The following ABCC4 variants were observed in gnomAD, a reference collection of about 807,000 sequenced individuals.
ABCC4 encodes the protein ATP-binding cassette sub-family C member 4.
ABCC4 carries 102 observed loss-of-function variants against 168.5 expected under a neutral mutation model. The observed-to-expected ratio is 0.61, with a 90% confidence interval of 0.52 to 0.71. The LOEUF is 0.71. Ranked by LOEUF, ABCC4 falls within the 30% of genes least tolerant of loss-of-function variation. The probability of loss-of-function intolerance (pLI) is 0.00; values close to 1 mark genes in which losing one functional copy is unlikely to be tolerated. For synonymous variants in ABCC4, 617 were observed against 590.7 expected (o/e 1.04, Z -0.65); for missense variants, 1,402 against 1,605.8 (o/e 0.87, Z 2.17).
chr13:95,200,421 A>T (rs2038590989), intron 8 of ABCC4, among the ~76,000 whole-genome samples: 1 of 152,176 alleles, frequency 6.6e-6, no homozygotes, highest in South Asian at 2.1e-4. Flanking sequence ...ACACGAGGAC[A>T]CTTTCTAAAG....
chr13:95,244,624 A>G (rs558721538), intron 3 of ABCC4, among the ~76,000 whole-genome samples: 758 of 42,390 alleles, frequency 0.018, 213 homozygotes, highest in Non-Finnish European at 0.025. Context: ...AAAGAAAGAA[A>G]GAAAGAAAGA....
At chr13:95,256,781 C>CA (rs938021463) in intron 1 of ABCC4, among the ~76,000 whole-genome samples, 11 of 149,302 alleles carry the variant, frequency 7.4e-5, no homozygotes, top group South Asian at 4.2e-4. Context: ...AAAGAAAAAT[C>CA]AAAAAAAAAA....
Position 95,059,730 on chromosome 13 carries a change from AGAAG to A in ABCC4, c.3366+2970_3366+2973del, listed in dbSNP as rs2033214888. On this transcript the variant is annotated intron_variant, in intron 26 of 30. Transcript: ENST00000645237. ...CACCAAGGATCACAAAAATAGAAAC[AGAAG>A]TTAATGAGCCAAGTCCTTCTAGAAT... Among the ~76,000 whole-genome samples, 5 of 152,348 alleles carry A rather than the reference AGAAG, an allele frequency of 3.3e-5. 1 individual carries two copies. Among genetic ancestry groups the A allele is most frequent in the African/African-American group, 1.2e-4 (5 of 41,580 alleles).
intron 30 of ABCC4, among the ~76,000 whole-genome samples, chr13:95,032,315 C>T (rs2031911309): frequency 6.6e-6 from 1 of 152,204 alleles, no homozygotes; most frequent in Admixed American, 6.5e-5. Flanking sequence ...ATGAGAAGTG[C>T]ACAGTGCACA....
At position 95,243,474 on chromosome 13, in the gene ABCC4, G is replaced by A. The variant is rs35482203; in HGVS notation, c.306+3501C>T. Among the ~76,000 whole-genome samples the A allele has an allele frequency of 2.2e-3, 333 of 152,288 alleles. 1 individual carries two copies. Among genetic ancestry groups the A allele is most frequent in the Admixed American group, 4.9e-3 (75 of 15,298 alleles). ...CCACAAGCTTCCCCCTCGTCCATCC[G>A]AGGAGGAGACAACTGGGAATGGTGT... On this transcript the variant is annotated intron_variant, in intron 3 of 30. Coordinates refer to ENST00000645237, the MANE Select transcript of ABCC4 (RefSeq NM_005845.5).
intron 9 of ABCC4, among the ~76,000 whole-genome samples, chr13:95,193,805 G>A (rs1390878114): frequency 6.6e-6 from 1 of 152,242 alleles, no homozygotes. Flanking sequence ...CTAGGACCAA[G>A]GAAGGAGGAA....
chr13:95,073,420 A>G lies in ABCC4; in HGVS notation c.2918-116T>C, dbSNP rs917665763. 10 of 607,262 alleles carry G rather than the reference A, an allele frequency of 1.6e-5. No homozygotes were observed. The South Asian group carries it at 3.1e-4, about 19-fold the overall frequency. The allele number at this position is 607,262 out of a possible 1,614,324, so 37.6% of individuals were successfully genotyped here. On this transcript the variant is annotated intron_variant, in intron 23 of 30. Transcript: ENST00000645237. ...ATGTTGAAACAATTCACATTTAATG[A>G]CATTAATAGCTATACTTTTACCATT...
intron 26 of ABCC4, among the ~76,000 whole-genome samples, chr13:95,059,816 T>C (rs1375419461): frequency 2.6e-5 from 4 of 152,160 alleles, no homozygotes; most frequent in Non-Finnish European, 5.9e-5. Flanking sequence ...TAGAAATAGT[T>C]ACTATTGAGC....
intron 8 of ABCC4, among the ~76,000 whole-genome samples, chr13:95,195,729 G>C (rs1196321161): frequency 6.6e-6 from 1 of 152,032 alleles, no homozygotes; most frequent in Admixed American, 6.5e-5. Flanking sequence ...CGCCTCTCCG[G>C]TTCAAGTGAT....
intron 4 of ABCC4, among the ~76,000 whole-genome samples, chr13:95,232,676 CAA>C (rs60401581): frequency 3.8e-5 from 5 of 132,298 alleles, no homozygotes; most frequent in African/African-American, 5.4e-5. Flanking sequence ...GACTTCATCT[CAA>C]AAAAAAAAAA....
chr13:95,214,865 G>A (rs35618609), intron 4 of ABCC4, among the ~76,000 whole-genome samples: 1,750 of 90,654 alleles, frequency 0.019, 38 homozygotes, highest in East Asian at 0.12. Context: ...CAGCCTGGGT[G>A]ATAGGTGAGA....
At chr13:95,160,811 T>C (rs942347842) in intron 19 of ABCC4, among the ~76,000 whole-genome samples, 1 of 152,188 alleles carries the variant, frequency 6.6e-6, no homozygotes, top group African/African-American at 2.4e-5. Context: ...AAAAATGGCA[T>C]AACCTAACAC....
chr13:95,024,691 A>AT, intron 30 of ABCC4, among the ~76,000 whole-genome samples: 1 of 152,272 alleles, frequency 6.6e-6, no homozygotes, highest in Non-Finnish European at 1.5e-5. Flanking sequence ...CAAGTTCATC[A>AT]TTTTTAAAGC....
chr13:95,176,223 C>T (rs868318363), intron 13 of ABCC4, among the ~76,000 whole-genome samples: 11 of 10,576 alleles, frequency 1.0e-3, no homozygotes, highest in Non-Finnish European at 4.0e-3. Flanking sequence ...AAGCCGAGGG[C>T]AGGGGGGGGG....
chr13:95,143,989 G>A (rs1594174667), intron 19 of ABCC4, among the ~76,000 whole-genome samples: 1 of 152,038 alleles, frequency 6.6e-6, no homozygotes, highest in Admixed American at 6.6e-5. Flanking sequence ...AGAAGACAGA[G>A]GTTAAAATAT....
At chr13:95,224,971 C>T (rs2039413420) in intron 4 of ABCC4, among the ~76,000 whole-genome samples, 1 of 151,766 alleles carries the variant, frequency 6.6e-6, no homozygotes, top group African/African-American at 2.4e-5. Context: ...TACAAATAAA[C>T]CTTAAGCACA....
chr13:95,022,215 A>G (rs2031131224), intron 30 of ABCC4, among the ~76,000 whole-genome samples: 1 of 152,184 alleles, frequency 6.6e-6, no homozygotes. Context: ...GCCTATAGAA[A>G]TGTGGTCTGT....
rs59552400 is a variant in ABCC4 at position 95,159,133 on chromosome 13, A to ATATATATG, written c.2455+2055_2455+2056insCATATATA. 8.8e-5 allele frequency among the ~76,000 whole-genome samples: 11 copies of ATATATATG among 125,338 alleles called. 1 individual carries two copies. The highest frequency in any genetic ancestry group is 1.5e-4 in the Non-Finnish European group (9 of 59,874). 82.2% of individuals were successfully genotyped at this position (125,338 alleles called of 152,430 possible). On this transcript the variant is annotated intron_variant, in intron 19 of 30. Transcript: ENST00000645237. ...TATATATATATATATATATATATATAACTATTGAAGTGCATACAATCAGTA... is the reference window on the plus strand; with the variant it reads ...TATATATATATATATATATATATATATATATATGACTATTGAAGTGCATACAATCAGTA...
intron 20 of ABCC4, among the ~76,000 whole-genome samples, chr13:95,109,977 G>A (rs781132543): frequency 6.6e-6 from 1 of 151,492 alleles, no homozygotes; most frequent in Non-Finnish European, 1.5e-5. Context: ...TAAAAAGCTG[G>A]TGGGAAAAAA....
Sources: allele counts gnomAD v4.1 joint callset (sites outside exome capture counted in the v4.1 genomes callset), GRCh38; gene constraint gnomAD v4.1.1; transcripts MANE v1.5; gene names NCBI Gene and HGNC (gene_info 2026-07-23, HGNC 2026-07-21).